The following ELAVL2 variants were observed in gnomAD, a reference collection of about 807,000 sequenced individuals.
The protein encoded by ELAVL2 is ELAV like RNA binding protein 2.
In ELAVL2, 4 loss-of-function variants were observed where a neutral mutation model predicts 34.6. That is an observed-to-expected ratio of 0.12 (90% confidence interval 0.06 to 0.26). The LOEUF (loss-of-function observed/expected upper bound fraction) is 0.26, where lower values mean the gene tolerates loss of function less well. Among genes scored for constraint, ELAVL2 ranks in the 10% least tolerant of loss-of-function variants. The probability of loss-of-function intolerance (pLI) is 1.00; values close to 1 mark genes in which losing one functional copy is unlikely to be tolerated. For synonymous variants in ELAVL2, 193 were observed against 154.8 expected (o/e 1.25, Z -1.83); for missense variants, 432 against 442.8 (o/e 0.98, Z 0.22).
chr9:23,816,383 C>T (rs982720451), intron 1 of ELAVL2, among the ~76,000 whole-genome samples: 3 of 132,116 alleles, frequency 2.3e-5, no homozygotes, highest in African/African-American at 5.6e-5. Context: ...TAGTTTATTG[C>T]TTTGATATTT....
chr9:23,768,087 A>G (rs1248729731), intron 1 of ELAVL2, among the ~76,000 whole-genome samples: 1 of 152,086 alleles, frequency 6.6e-6, no homozygotes. Context: ...CTACCTTAAC[A>G]ATGTTCCCAG....
At chr9:23,758,845 A>G (rs1040798378) in intron 2 of ELAVL2, among the ~76,000 whole-genome samples, 4 of 152,100 alleles carry the variant, frequency 2.6e-5, no homozygotes, top group African/African-American at 9.7e-5. Flanking sequence ...AAAGAACTAC[A>G]GAGTGCAGCA....
chr9:23,807,576 T>C (rs1382894726), intron 1 of ELAVL2, among the ~76,000 whole-genome samples: 1 of 152,054 alleles, frequency 6.6e-6, no homozygotes, highest in East Asian at 1.9e-4. Context: ...ATTAATATGG[T>C]ATTTCCTTTT....
chr9:23,833,094 ATGAAT>A, the ELAVL2 span, among the ~76,000 whole-genome samples: 1 of 151,964 alleles, frequency 6.6e-6, no homozygotes, highest in Non-Finnish European at 1.5e-5. Context: ...AAGTGTATGG[ATGAAT>A]TAGTGCTTTG....
the ELAVL2 span, among the ~76,000 whole-genome samples, chr9:23,845,569 T>C: frequency 6.6e-6 from 1 of 151,534 alleles, no homozygotes; most frequent in East Asian, 1.9e-4. Context: ...GCCTCATAAT[T>C]CTCCCCTTAA....
chr9:23,704,122 G>C (rs1019990141), intron 4 of ELAVL2, among the ~76,000 whole-genome samples: 1 of 116,168 alleles, frequency 8.6e-6, no homozygotes, highest in Non-Finnish European at 1.9e-5. Flanking sequence ...AGTAGAGATG[G>C]GGCTTCTCTA....
chr9:23,701,190 A>G (rs2037076893), intron 5 of ELAVL2, among the ~76,000 whole-genome samples, 189 bp downstream of exon 5: 2 of 152,194 alleles, frequency 1.3e-5, no homozygotes, highest in Admixed American at 1.3e-4. Flanking sequence ...CCCACCTTCA[A>G]TATTAGCAAA....
At chr9:23,765,092 G>A in intron 1 of ELAVL2, 1 of 1,599,882 alleles carries the variant, frequency 6.3e-7, no homozygotes, top group Non-Finnish European at 8.5e-7. Context: ...TTAGTTTGGA[G>A]TTGCCGTCTG....
At chr9:23,766,147 A>AT (rs1471719475) in intron 1 of ELAVL2, among the ~76,000 whole-genome samples, 2 of 152,168 alleles carry the variant, frequency 1.3e-5, no homozygotes, top group Non-Finnish European at 2.9e-5. Flanking sequence ...TTTACTCTTG[A>AT]TATTAGCAAT....
chr9:23,752,332 T>C (rs947922080), intron 2 of ELAVL2, among the ~76,000 whole-genome samples: 6 of 152,176 alleles, frequency 3.9e-5, no homozygotes, highest in African/African-American at 1.4e-4. Flanking sequence ...TAGTGTCCAG[T>C]AGGCCACCTC....
intron 1 of ELAVL2, among the ~76,000 whole-genome samples, chr9:23,819,942 C>T (rs11791636): frequency 0.16 from 24,486 of 152,132 alleles, 2,286 homozygotes; most frequent in Admixed American, 0.26. Flanking sequence ...ACCTTAGCAT[C>T]CCTACAAACC....
Position 23,692,646 on chromosome 9 carries a change from C to T in ELAVL2, c.991G>A (p.Ala331Thr), listed in dbSNP as rs1168099517. ...CCATTGAGGCTAGCTATCGCCATGG[C>T]AGCCTCATCATAGTTTGTCATAGTC... ...FVTMTNYDEAAMAIASLNGYR... is the reference protein window; with the variant it reads ...FVTMTNYDEATMAIASLNGYR... Residue 331 changes from alanine to threonine, a missense_variant, in exon 7 of 7, where the codon GCC (alanine) becomes ACC (threonine). By Grantham distance (58) the Ala-to-Thr change is moderately conservative. This residue lies in a region of ELAVL2 where 295 missense variants were observed against 306.1 expected (regional missense o/e 0.96). Coordinates refer to ENST00000397312, the MANE Select transcript of ELAVL2 (RefSeq NM_004432.5). 2 of 1,614,054 alleles carry T rather than the reference C, an allele frequency of 1.2e-6. No homozygotes were observed. The highest frequency in any genetic ancestry group is 1.1e-5 in the South Asian group (1 of 91,094).
intron 3 of ELAVL2, among the ~76,000 whole-genome samples, chr9:23,724,754 T>A (rs965294736): frequency 1.3e-4 from 20 of 152,172 alleles, no homozygotes; most frequent in African/African-American, 4.6e-4. Context: ...ATTTCCAGAA[T>A]ACAAGTTAAC....
intron 3 of ELAVL2, among the ~76,000 whole-genome samples, chr9:23,727,401 G>A (rs969060342): frequency 4.6e-5 from 7 of 152,004 alleles, no homozygotes; most frequent in East Asian, 3.9e-4. Flanking sequence ...AATGCTAAAC[G>A]ATCGCCCAGC....
chr9:23,694,088 T>C (rs769354026), intron 5 of ELAVL2, among the ~76,000 whole-genome samples: 11 of 152,164 alleles, frequency 7.2e-5, no homozygotes, highest in Admixed American at 1.3e-4. Context: ...TTCTCAAATG[T>C]GCTCAGCTGA....
chr9:23,746,670 C>A (rs891534651), intron 2 of ELAVL2, among the ~76,000 whole-genome samples: 37 of 152,160 alleles, frequency 2.4e-4, no homozygotes, highest in Admixed American at 2.1e-3. Flanking sequence ...ACCCACCCAA[C>A]TGGCTTCTGG....
intron 3 of ELAVL2, 54 bp from the exon 4 acceptor site, chr9:23,705,125 C>T (rs1587407102): frequency 6.3e-7 from 1 of 1,598,544 alleles, no homozygotes; most frequent in Non-Finnish European, 8.5e-7. Context: ...ACCCACCTCC[C>T]TTTAGAAACT....
intron 1 of ELAVL2, among the ~76,000 whole-genome samples, chr9:23,810,233 G>A (rs1316720071): frequency 1.3e-5 from 2 of 151,842 alleles, no homozygotes; most frequent in East Asian, 1.9e-4. Context: ...AAGTAATCCT[G>A]CAAGTCAAGG....
intron 1 of ELAVL2, among the ~76,000 whole-genome samples, chr9:23,772,273 T>C (rs533028058): frequency 2.6e-4 from 39 of 152,132 alleles, no homozygotes; most frequent in Non-Finnish European, 5.3e-4. Flanking sequence ...GTTAAAAACA[T>C]AGCTCCTCTG....
Sources: gnomAD v4.1 joint callset for allele counts (sites outside exome capture counted in the v4.1 genomes callset) on GRCh38, gnomAD v4.1.1 for gene constraint, gnomAD v4.1.1 regional missense constraint, MANE v1.5 for transcripts, NCBI Gene and HGNC (gene_info 2026-07-23, HGNC 2026-07-21) for gene names.